The following TRAPPC9 variants were observed in gnomAD, a reference collection of about 807,000 sequenced individuals.
TRAPPC9 encodes IKK2 binding protein.
In TRAPPC9, 83 loss-of-function variants were observed where a neutral mutation model predicts 124.0. The observed-to-expected ratio is 0.67, with a 90% CI of 0.56 to 0.80. The LOEUF (loss-of-function observed/expected upper bound fraction) is 0.80. Among genes scored for constraint, TRAPPC9 ranks in the 30% least tolerant of loss-of-function variants. The pLI is 0.00. For synonymous variants in TRAPPC9, 638 were observed against 617.5 expected, an observed-to-expected ratio of 1.03 and a Z score of -0.49; for missense variants, 1,302 against 1,508.3, an observed-to-expected ratio of 0.86 and a Z score of 2.27.
intron 21 of TRAPPC9, among the ~76,000 whole-genome samples, chr8:139,785,537 AACACACACACAC>A (rs57202244): frequency 0.044 from 6,036 of 138,268 alleles, 219 homozygotes; most frequent in African/African-American, 0.099. Context: ...ATCTCTACTA[AACACACACACAC>A]ACACACACAC....
At chr8:139,758,565 G>A (rs911364667) in intron 21 of TRAPPC9, among the ~76,000 whole-genome samples, 14 of 152,200 alleles carry the variant, frequency 9.2e-5, no homozygotes, top group African/African-American at 3.1e-4. Context: ...GGAGGCAAAC[G>A]GGGTACGAGG....
intron 17 of TRAPPC9, among the ~76,000 whole-genome samples, chr8:140,174,927 G>A (rs2062032786): frequency 6.6e-6 from 1 of 151,878 alleles, no homozygotes; most frequent in South Asian, 2.1e-4. Context: ...TATAGACCCA[G>A]GGTGGAAATG....
chr8:140,292,552 G>A (rs1049530786), intron 11 of TRAPPC9, among the ~76,000 whole-genome samples: 1 of 152,208 alleles, frequency 6.6e-6, no homozygotes, highest in African/African-American at 2.4e-5. Flanking sequence ...AACCTGCACA[G>A]AGATGAGGAC....
chr8:139,925,166 C>T (rs778896388), intron 19 of TRAPPC9, among the ~76,000 whole-genome samples: 60 of 152,190 alleles, frequency 3.9e-4, no homozygotes, highest in Non-Finnish European at 6.5e-4. Context: ...AGCTCGCCCA[C>T]GGGGTGGCGG....
chr8:139,893,613 C>T (rs1830483568), intron 20 of TRAPPC9, among the ~76,000 whole-genome samples: 1 of 152,216 alleles, frequency 6.6e-6, no homozygotes, highest in Non-Finnish European at 1.5e-5. Flanking sequence ...ACATGCATGG[C>T]AAGTCTGCAT....
intron 17 of TRAPPC9, among the ~76,000 whole-genome samples, chr8:140,133,576 A>G (rs1039837264): frequency 7.9e-5 from 12 of 152,318 alleles, no homozygotes; most frequent in African/African-American, 2.9e-4. Flanking sequence ...TAAACAACAA[A>G]AAGAAATAAA....
At chr8:139,856,196 T>C (rs112060966) in intron 21 of TRAPPC9, among the ~76,000 whole-genome samples, 10 of 152,086 alleles carry the variant, frequency 6.6e-5, no homozygotes, top group African/African-American at 2.4e-4. Flanking sequence ...GATGTGGGGA[T>C]TTGGAGGAGA....
At chr8:140,196,439 C>G (rs1397368588) in intron 17 of TRAPPC9, among the ~76,000 whole-genome samples, 25 of 86,086 alleles carry the variant, frequency 2.9e-4, no homozygotes, top group Admixed American at 4.1e-4. Flanking sequence ...ACCTGTGACA[C>G]TAAAACACAC....
chr8:140,325,261 C>A (rs759676487), intron 9 of TRAPPC9, among the ~76,000 whole-genome samples: 2 of 151,870 alleles, frequency 1.3e-5, no homozygotes, highest in Admixed American at 6.6e-5. Context: ...AGGTCCCAAA[C>A]CAATATCTAA....
At chr8:140,422,763 A>AG (rs2070264937) in intron 5 of TRAPPC9, among the ~76,000 whole-genome samples, 1 of 151,836 alleles carries the variant, frequency 6.6e-6, no homozygotes. Flanking sequence ...CAAAAAAAAA[A>AG]AAAAAAACTG....
At chr8:139,836,390 C>T (rs533979196) in intron 21 of TRAPPC9, among the ~76,000 whole-genome samples, 11 of 152,288 alleles carry the variant, frequency 7.2e-5, no homozygotes, top group African/African-American at 2.4e-4. Context: ...ACCCTGCGCC[C>T]GGCACTCGAT....
At chr8:139,808,901 G>C (rs569392791) in intron 21 of TRAPPC9, among the ~76,000 whole-genome samples, 1 of 152,088 alleles carries the variant, frequency 6.6e-6, no homozygotes, top group East Asian at 1.9e-4. Flanking sequence ...CTATTTTCAC[G>C]TTTTGCTTTT....
At position 140,401,212 on chromosome 8, in the gene TRAPPC9, G is replaced by A. The variant is rs551171784; in HGVS notation, c.1009-3467C>T. Reference sequence around the variant, plus strand: ...TTACCAATCATGAAGAAGCAAAGGCGCAACTGGTTATCTTTCTCACTAAAA... The same window carrying A: ...TTACCAATCATGAAGAAGCAAAGGCACAACTGGTTATCTTTCTCACTAAAA... On this transcript the variant is annotated intron_variant, in intron 6 of 22. Coordinates refer to ENST00000438773, the MANE Select transcript of TRAPPC9 (RefSeq NM_001160372.4). Among the ~76,000 whole-genome samples, 16 of 152,262 alleles carry A rather than the reference G, an allele frequency of 1.1e-4. No individual in the cohort carries two copies. The South Asian group carries it at 1.7e-3, about 16-fold the overall frequency.
intron 17 of TRAPPC9, among the ~76,000 whole-genome samples, chr8:140,176,883 T>C (rs2062082813): frequency 6.6e-6 from 1 of 152,236 alleles, no homozygotes; most frequent in Non-Finnish European, 1.5e-5. Flanking sequence ...TGGTTTTAGT[T>C]TGCATTTCCT....
intron 17 of TRAPPC9, among the ~76,000 whole-genome samples, chr8:140,168,362 A>T (rs2061889543): frequency 1.3e-5 from 1 of 75,014 alleles, no homozygotes; most frequent in Admixed American, 1.7e-4. Context: ...GTTCTAAAAC[A>T]TTTTTTTAAC....
At chr8:139,833,729 T>C (rs1274943641) in intron 21 of TRAPPC9, among the ~76,000 whole-genome samples, 2 of 152,182 alleles carry the variant, frequency 1.3e-5, no homozygotes, top group Non-Finnish European at 2.9e-5. Context: ...GCTGCTAATG[T>C]GCAGTGTGGA....
At chr8:139,822,761 C>G (rs1445396014) in intron 21 of TRAPPC9, among the ~76,000 whole-genome samples, 4 of 152,222 alleles carry the variant, frequency 2.6e-5, no homozygotes, top group African/African-American at 9.6e-5. Flanking sequence ...AGGACCATGG[C>G]TGGGTAGGGT....
At chr8:140,349,365 GCGCGAGGGA>G (rs2067466422) in intron 9 of TRAPPC9, among the ~76,000 whole-genome samples, 3 of 89,494 alleles carry the variant, frequency 3.4e-5, no homozygotes, top group Admixed American at 1.0e-4. Flanking sequence ...AGGGAAGGGC[GCGCGAGGGA>G]AGGGCACACA....
At chr8:140,123,758 G>C (rs1013691736) in intron 17 of TRAPPC9, among the ~76,000 whole-genome samples, 4 of 152,234 alleles carry the variant, frequency 2.6e-5, no homozygotes, top group Non-Finnish European at 1.5e-5. Context: ...GTTTGTTACT[G>C]ATAGTATACT....
Sources: allele counts gnomAD v4.1 joint callset (sites outside exome capture counted in the v4.1 genomes callset), GRCh38; gene constraint gnomAD v4.1.1; transcripts MANE v1.5; gene names NCBI Gene and HGNC (gene_info 2026-07-23, HGNC 2026-07-21).